Variants in ARHGAP26 observed in about 807,000 individuals in gnomAD.
The protein encoded by ARHGAP26 is rho GTPase-activating protein 26.
ARHGAP26 carries 38 observed loss-of-function variants against 104.8 expected under a neutral mutation model. That is an observed-to-expected ratio of 0.36 (90% CI 0.28 to 0.48). The LOEUF (loss-of-function observed/expected upper bound fraction) is 0.48, where lower values mean the gene tolerates loss of function less well. ARHGAP26 is among the 20% of genes least tolerant of loss of function. The probability of loss-of-function intolerance (pLI) is 0.99; values close to 1 mark genes in which losing one functional copy is unlikely to be tolerated. For missense variants in ARHGAP26, 704 were observed against 947.9 expected, an observed-to-expected ratio of 0.74 and a Z score of 3.38; for synonymous variants, 341 against 340.0, an observed-to-expected ratio of 1.00 and a Z score of -0.03.
intron 10 of ARHGAP26, among the ~76,000 whole-genome samples, chr5:142,917,235 C>T (rs979384939): frequency 6.6e-6 from 1 of 152,062 alleles, no homozygotes; most frequent in African/African-American, 2.4e-5. Flanking sequence ...GATGCGGTTT[C>T]GCCATGTTGA....
chr5:143,024,035 C>T (rs1780700668), intron 12 of ARHGAP26, among the ~76,000 whole-genome samples: 1 of 152,186 alleles, frequency 6.6e-6, no homozygotes, highest in African/African-American at 2.4e-5. Context: ...TATGAGTTGC[C>T]TGTGCAACAC....
At chr5:143,043,549 G>A (rs1344691468) in intron 14 of ARHGAP26, among the ~76,000 whole-genome samples, 1 of 152,090 alleles carries the variant, frequency 6.6e-6, no homozygotes, top group Non-Finnish European at 1.5e-5. Context: ...GTTCCTCTGG[G>A]ATAAATGTCC....
chr5:143,054,987 T>G (rs531818424), intron 15 of ARHGAP26, among the ~76,000 whole-genome samples: 1 of 152,384 alleles, frequency 6.6e-6, no homozygotes, highest in African/African-American at 2.4e-5. Flanking sequence ...ACTCCTTCCC[T>G]TACACTGGAC....
At chr5:142,868,957 C>G (rs1022634632) in intron 1 of ARHGAP26, 1 of 153,446 alleles carries the variant, frequency 6.5e-6, no homozygotes, top group South Asian at 2.0e-4. Flanking sequence ...CCAGCCCTGT[C>G]CGAGGCACTC....
At chr5:143,100,039 C>T (rs1353111493) in intron 17 of ARHGAP26, among the ~76,000 whole-genome samples, 1 of 151,950 alleles carries the variant, frequency 6.6e-6, no homozygotes, top group Admixed American at 6.6e-5. Flanking sequence ...AGAATGCAGT[C>T]CAGGGAAATA....
intron 17 of ARHGAP26, among the ~76,000 whole-genome samples, chr5:143,089,823 G>T (rs975218858): frequency 6.6e-6 from 1 of 152,150 alleles, no homozygotes; most frequent in African/African-American, 2.4e-5. Context: ...CTAAATAGAC[G>T]TAAGAGTTGA....
intron 3 of ARHGAP26, among the ~76,000 whole-genome samples, chr5:142,877,413 T>C (rs993208332): frequency 1.3e-5 from 2 of 152,236 alleles, no homozygotes; most frequent in Non-Finnish European, 2.9e-5. Context: ...GTCTGTGCCC[T>C]GTAGTAAATA....
chr5:143,167,153 T>G (rs1802076733), intron 20 of ARHGAP26, among the ~76,000 whole-genome samples: 1 of 152,000 alleles, frequency 6.6e-6, no homozygotes, highest in Non-Finnish European at 1.5e-5. Flanking sequence ...TAGAAAAATG[T>G]GTGCCGTGTT....
chr5:143,057,494 C>G (rs917394994), intron 16 of ARHGAP26, 148 bp from the exon 17 acceptor site: 9 of 645,524 alleles, frequency 1.4e-5, no homozygotes, highest in Non-Finnish European at 2.4e-5. Flanking sequence ...TCATGCTGGC[C>G]ACGCAGTATG....
chr5:142,865,396 A>T (rs1007598111), intron 1 of ARHGAP26, among the ~76,000 whole-genome samples: 1 of 151,928 alleles, frequency 6.6e-6, no homozygotes, highest in Non-Finnish European at 1.5e-5. Context: ...TTGGAAATAC[A>T]TATGTATTTG....
intron 1 of ARHGAP26, among the ~76,000 whole-genome samples, chr5:142,774,598 C>T (rs988467676): frequency 6.6e-6 from 1 of 152,092 alleles, no homozygotes; most frequent in Non-Finnish European, 1.5e-5. Flanking sequence ...TAACTAAAGT[C>T]CATAATTTAC....
At chr5:143,115,773 A>G (rs1795359607) in intron 17 of ARHGAP26, among the ~76,000 whole-genome samples, 1 of 152,174 alleles carries the variant, frequency 6.6e-6, no homozygotes, top group African/African-American at 2.4e-5. Flanking sequence ...CCCATTTTAT[A>G]TGTGAGGAAA....
chr5:142,784,044 G>T (rs915006862), intron 1 of ARHGAP26, among the ~76,000 whole-genome samples: 1 of 152,202 alleles, frequency 6.6e-6, no homozygotes, highest in Non-Finnish European at 1.5e-5. Context: ...TGCTCCTGCT[G>T]CATCTGTGTC....
rs574503883 is a variant in ARHGAP26, at chr5:143,122,164, T to G, written c.1698+1017T>G. On this transcript the variant is annotated intron_variant, in intron 18 of 22. Coordinates refer to ENST00000645722, the MANE Select transcript of ARHGAP26 (RefSeq NM_001135608.3). The stretch of plus-strand genomic sequence containing the variant: ...AAGCCAGATGGTATCAGTTTTCTCC[T>G]AAGAATTATCCAGTGGCTTCCCATT... Among the ~76,000 whole-genome samples, 14 of 152,308 alleles carry G rather than the reference T, an allele frequency of 9.2e-5. No homozygotes were observed. In the South Asian group the frequency reaches 1.0e-3, roughly 11 times the overall value.
intron 20 of ARHGAP26, among the ~76,000 whole-genome samples, chr5:143,174,962 T>G (rs149441320): frequency 2.0e-5 from 3 of 152,338 alleles, no homozygotes; most frequent in Middle Eastern, 3.4e-3. Context: ...TAAGGAAGCT[T>G]AAGTGTAAAT....
chr5:142,957,236 G>A (rs767083341), intron 11 of ARHGAP26, among the ~76,000 whole-genome samples: 1 of 152,106 alleles, frequency 6.6e-6, no homozygotes, highest in Non-Finnish European at 1.5e-5. Context: ...TGATAGTGCT[G>A]TAATAAAGCC....
At chr5:142,992,535 C>T (rs922547303) in intron 11 of ARHGAP26, among the ~76,000 whole-genome samples, 1 of 151,356 alleles carries the variant, frequency 6.6e-6, no homozygotes. Flanking sequence ...TCACGTCATT[C>T]TCCCGCCTCA....
chr5:142,914,186 T>G (rs1215684873), intron 10 of ARHGAP26, among the ~76,000 whole-genome samples: 1 of 152,282 alleles, frequency 6.6e-6, no homozygotes, highest in Non-Finnish European at 1.5e-5. Context: ...GACTGAGTAC[T>G]GCCTGGGGTT....
intron 17 of ARHGAP26, among the ~76,000 whole-genome samples, chr5:143,058,352 A>G (rs978780659): frequency 2.6e-5 from 4 of 152,232 alleles, no homozygotes; most frequent in Non-Finnish European, 5.9e-5. Context: ...TTTTTGGCAA[A>G]TACTCACTTG....
Sources: gnomAD v4.1 joint callset for allele counts (sites outside exome capture counted in the v4.1 genomes callset) on GRCh38, gnomAD v4.1.1 for gene constraint, MANE v1.5 for transcripts, NCBI Gene and HGNC (gene_info 2026-07-23, HGNC 2026-07-21) for gene names.